Variants in MIGA1 observed in about 807,000 individuals in gnomAD.
MIGA1 encodes mitoguardin 1, also known as family with sequence similarity 73, member A.
A neutral mutation model predicts 82.0 loss-of-function variants in MIGA1; 58 were observed. The observed-to-expected ratio is 0.71, with a 90% CI of 0.57 to 0.88. The LOEUF is 0.88. MIGA1 is among the 40% of genes least tolerant of loss of function. The pLI, the probability that MIGA1 is intolerant of heterozygous loss-of-function variation, is 0.00. For synonymous variants in MIGA1, 249 were observed against 253.6 expected (o/e 0.98, Z 0.17); for missense variants, 751 against 749.1 (o/e 1.00, Z -0.03).
intron 2 of MIGA1, among the ~76,000 whole-genome samples, chr1:77,787,850 C>G (rs1682238138): frequency 6.8e-6 from 1 of 148,042 alleles, no homozygotes; most frequent in African/African-American, 2.5e-5. Context: ...GAGTCTCACT[C>G]TGTCACCCAA....
intron 12 of MIGA1, 127 bp downstream of exon 12, chr1:77,861,449 T>G: frequency 1.5e-6 from 1 of 646,422 alleles, no homozygotes; most frequent in Non-Finnish European, 2.6e-6. Flanking sequence ...GACATCTTTT[T>G]TTCTGACGAA....
intron 7 of MIGA1, among the ~76,000 whole-genome samples, chr1:77,837,734 G>A (rs377569291): frequency 6.6e-6 from 1 of 152,078 alleles, no homozygotes; most frequent in South Asian, 2.1e-4. Flanking sequence ...CCCCACTTAA[G>A]CATTCCCACT....
chr1:77,794,346 T>G (rs1682565377), intron 2 of MIGA1, among the ~76,000 whole-genome samples: 1 of 152,206 alleles, frequency 6.6e-6, no homozygotes, highest in Non-Finnish European at 1.5e-5. Flanking sequence ...CACATTGCAT[T>G]TAGTTGTCAG....
Position 77,815,250 on chromosome 1 carries a change from A to G in MIGA1, c.895+19A>G. The G allele has an allele frequency of 1.9e-6, 3 of 1,550,462 alleles. No homozygotes were observed. The highest frequency in any genetic ancestry group is 1.7e-6 in the Non-Finnish European group (2 of 1,143,302). On this transcript the variant is annotated intron_variant, in intron 7 of 15. Transcript: ENST00000370791. The stretch of plus-strand genomic sequence containing the variant: ...GATATTGGTAAGATGGATATTTCAT[A>G]TGGCTTTTATGAAATGTTTACTTTT...
At chr1:77,855,025 C>T (rs1226651443) in intron 8 of MIGA1, among the ~76,000 whole-genome samples, 3 of 152,106 alleles carry the variant, frequency 2.0e-5, no homozygotes, top group Admixed American at 1.3e-4. Flanking sequence ...TTTGTAGTTT[C>T]GGGTCTTAGG....
intron 5 of MIGA1, chr1:77,811,085 A>C: frequency 1.2e-6 from 2 of 1,611,316 alleles, no homozygotes; most frequent in Non-Finnish European, 1.7e-6. Context: ...CCTTTGGTTA[A>C]TTTTTCAACA....
intron 15 of MIGA1, among the ~76,000 whole-genome samples, chr1:77,874,354 A>T (rs1166703): frequency 0.68 from 103,194 of 151,728 alleles, 37,037 homozygotes; most frequent in Non-Finnish European, 0.81. Context: ...CTTGTACAAA[A>T]AAAAAAAGCA....
At chr1:77,870,768 C>A (rs1426885750) in intron 14 of MIGA1, among the ~76,000 whole-genome samples, 1 of 150,380 alleles carries the variant, frequency 6.6e-6, no homozygotes, top group Non-Finnish European at 1.5e-5. Flanking sequence ...GCCGAGATCA[C>A]GCCACTGCAC....
intron 8 of MIGA1, among the ~76,000 whole-genome samples, chr1:77,844,530 G>A (rs2101894473): frequency 6.6e-6 from 1 of 152,206 alleles, no homozygotes; most frequent in East Asian, 1.9e-4. Flanking sequence ...TACCAAAAGA[G>A]ACTGCTTGCA....
At chr1:77,861,117 T>G (rs1685439175) in intron 11 of MIGA1, 107 bp from the exon 12 acceptor site, 2 of 687,772 alleles carry the variant, frequency 2.9e-6, no homozygotes, top group Non-Finnish European at 2.4e-6. Context: ...GTATTTTAGT[T>G]CAGTTACCTA....
chr1:77,874,155 G>A (rs1209847096), intron 15 of MIGA1, among the ~76,000 whole-genome samples: 3 of 151,944 alleles, frequency 2.0e-5, no homozygotes, highest in East Asian at 1.9e-4. Flanking sequence ...CCTGTTTTTC[G>A]CTCTTTGAAA....
At chr1:77,828,754 C>A (rs1233649304) in intron 7 of MIGA1, among the ~76,000 whole-genome samples, 2 of 152,154 alleles carry the variant, frequency 1.3e-5, no homozygotes, top group Admixed American at 6.5e-5. Context: ...CTTACTATAG[C>A]CTTGAACTAT....
intron 3 of MIGA1, among the ~76,000 whole-genome samples, chr1:77,802,997 T>C (rs752474829): frequency 3.9e-5 from 6 of 152,218 alleles, no homozygotes; most frequent in African/African-American, 9.6e-5. Context: ...CTGGTTACAA[T>C]AGACCATTCA....
intron 8 of MIGA1, among the ~76,000 whole-genome samples, chr1:77,851,966 C>A (rs1258809800): frequency 1.4e-5 from 2 of 146,938 alleles, no homozygotes; most frequent in East Asian, 4.1e-4. Flanking sequence ...AACCTTGCAA[C>A]CTCTACCTCC....
chr1:77,864,062 G>A lies in MIGA1; in HGVS notation c.1509+34G>A, dbSNP rs201895330. On this transcript the variant is annotated intron_variant, in intron 13 of 15. Coordinates refer to ENST00000370791, the MANE Select transcript of MIGA1 (RefSeq NM_198549.4). ...TGGTTAACCTTTCTCAGCCTTTTAAGTTTGATTAAAAAGTGAGGCTGGGCG... is the reference window on the plus strand; with the variant it reads ...TGGTTAACCTTTCTCAGCCTTTTAAATTTGATTAAAAAGTGAGGCTGGGCG... 8.8e-6 allele frequency: 14 copies of A among 1,595,408 alleles called. No individual in the cohort carries two copies. In the East Asian group the frequency reaches 1.8e-4, roughly 21 times the overall value.
At chr1:77,806,569 T>C (rs1056721895) in intron 4 of MIGA1, among the ~76,000 whole-genome samples, 16 of 152,230 alleles carry the variant, frequency 1.1e-4, no homozygotes, top group African/African-American at 3.9e-4. Flanking sequence ...ACAAAGATGA[T>C]AGTGGCTTTT....
intron 2 of MIGA1, among the ~76,000 whole-genome samples, chr1:77,793,929 G>T (rs533386357): frequency 9.9e-5 from 15 of 151,346 alleles, no homozygotes; most frequent in Admixed American, 8.6e-4. Flanking sequence ...TGGGATTACA[G>T]GTGAGCACCA....
chr1:77,860,393 GTTA>G (rs1685417790), intron 11 of MIGA1: 1 of 334,562 alleles, frequency 3.0e-6, no homozygotes, highest in Non-Finnish European at 5.4e-6. Flanking sequence ...AACCATCACT[GTTA>G]TTATTACTAA....
At chr1:77,831,202 G>A (rs1053780106) in intron 7 of MIGA1, among the ~76,000 whole-genome samples, 1 of 152,158 alleles carries the variant, frequency 6.6e-6, no homozygotes, top group East Asian at 1.9e-4. Flanking sequence ...GTTATCTGCA[G>A]CTGTTTTTTG....
Sources: gnomAD v4.1 joint callset for allele counts (sites outside exome capture counted in the v4.1 genomes callset) on GRCh38, gnomAD v4.1.1 for gene constraint, MANE v1.5 for transcripts, NCBI Gene and HGNC (gene_info 2026-07-23, HGNC 2026-07-21) for gene names.